ARRB1: variants seen among roughly 807,000 people sequenced by gnomAD.
The protein encoded by ARRB1 is beta-arrestin-1.
A neutral mutation model predicts 56.8 loss-of-function variants in ARRB1; 21 were observed. That is an observed-to-expected ratio of 0.37 (90% CI 0.26 to 0.53). ARRB1 has a LOEUF of 0.53. Ranked by LOEUF, ARRB1 falls within the 20% of genes least tolerant of loss-of-function variation. The pLI is 0.88. For synonymous variants in ARRB1, 210 were observed against 218.6 expected, an observed-to-expected ratio of 0.96 and a Z score of 0.35; for missense variants, 424 against 553.7, an observed-to-expected ratio of 0.77 and a Z score of 2.35.
chr11:75,282,137 C>T (rs946663060), intron 5 of ARRB1, 116 bp from the exon 6 acceptor site: 10 of 1,040,214 alleles, frequency 9.6e-6, no homozygotes, highest in Middle Eastern at 2.0e-4. Context: ...GGGGACAGGC[C>T]ATGTCTATCC....
At chr11:75,330,005 A>G (rs1354953953) in intron 1 of ARRB1, among the ~76,000 whole-genome samples, 1 of 152,112 alleles carries the variant, frequency 6.6e-6, no homozygotes, top group African/African-American at 2.4e-5. Flanking sequence ...TGTCTCTAAA[A>G]AAAAAAAAAG....
intron 14 of ARRB1, among the ~76,000 whole-genome samples, chr11:75,268,595 C>A (rs1359315697): frequency 6.6e-6 from 1 of 151,912 alleles, no homozygotes; most frequent in Admixed American, 6.6e-5. Context: ...GCAGCCCCTT[C>A]CCCTACTTCC....
At chr11:75,275,123 A>ATTTTATTTTATTTTAT (rs1946167812) in intron 10 of ARRB1, among the ~76,000 whole-genome samples, 1 of 137,958 alleles carries the variant, frequency 7.2e-6, no homozygotes, top group Non-Finnish European at 1.5e-5. Flanking sequence ...TTTAATTTAA[A>ATTTTATTTTATTTTAT]TTTATTTTAT....
At position 75,303,632 on chromosome 11, in the gene ARRB1, T is replaced by A. The variant is rs569083603; in HGVS notation, c.21-13593A>T. On this transcript the variant is annotated intron_variant, in intron 1 of 15. Coordinates refer to ENST00000420843, the MANE Select transcript of ARRB1 (RefSeq NM_004041.5). The stretch of plus-strand genomic sequence containing the variant: ...GGTACAGGCCCCGGTGTCGGTGTTG[T>A]TTCCCCAGAGCACCTACAGGGCAGC... The A allele has an allele frequency of 1.3e-5, 6 of 456,322 alleles. No homozygotes were observed. The East Asian group carries it at 4.2e-4, about 32-fold the overall frequency. The allele number at this position is 456,322 out of a possible 1,614,324, so 28.3% of individuals were successfully genotyped here.
At chr11:75,297,920 A>G (rs1169304976) in intron 1 of ARRB1, among the ~76,000 whole-genome samples, 2 of 135,800 alleles carry the variant, frequency 1.5e-5, no homozygotes, top group East Asian at 2.0e-4. Flanking sequence ...CTAAATGTAA[A>G]AGCTGCAGCT....
At chr11:75,325,181 A>C (rs1947411560) in intron 1 of ARRB1, among the ~76,000 whole-genome samples, 1 of 152,136 alleles carries the variant, frequency 6.6e-6, no homozygotes, top group Non-Finnish European at 1.5e-5. Flanking sequence ...CAGTGGAATC[A>C]GATTGTTTTT....
At chr11:75,283,887 G>A (rs1258532331) in intron 4 of ARRB1, among the ~76,000 whole-genome samples, 2 of 152,088 alleles carry the variant, frequency 1.3e-5, no homozygotes, top group African/African-American at 4.8e-5. Flanking sequence ...GACGGCAAGC[G>A]TCTTGTCACA....
At chr11:75,324,621 G>A (rs574771851) in intron 1 of ARRB1, among the ~76,000 whole-genome samples, 32 of 152,090 alleles carry the variant, frequency 2.1e-4, no homozygotes, top group Non-Finnish European at 3.4e-4. Context: ...GGGTGTGGGT[G>A]TGGAATAGGG....
chr11:75,306,710 C>T (rs2140474117), intron 1 of ARRB1: 7 of 1,242,400 alleles, frequency 5.6e-6, no homozygotes, highest in South Asian at 5.4e-5. Flanking sequence ...CAGCTCTCCC[C>T]AGCCCCAAGT....
chr11:75,305,127 T>C (rs1947000172), intron 1 of ARRB1, among the ~76,000 whole-genome samples: 1 of 148,916 alleles, frequency 6.7e-6, no homozygotes, highest in Non-Finnish European at 1.5e-5. Flanking sequence ...ACCTCCTGGG[T>C]TCATGCAATT....
At chr11:75,343,099 G>T (rs1039667235) in intron 1 of ARRB1, among the ~76,000 whole-genome samples, 2 of 152,200 alleles carry the variant, frequency 1.3e-5, no homozygotes, top group Admixed American at 6.5e-5. Context: ...GGTCTGCGCA[G>T]GTGCTGGGGA....
intron 1 of ARRB1, among the ~76,000 whole-genome samples, chr11:75,297,990 G>A (rs1009882674): frequency 4.1e-5 from 6 of 145,014 alleles, no homozygotes; most frequent in African/African-American, 1.5e-4. Context: ...TTAAGCAATG[G>A]TTTCTTAGAT....
chr11:75,286,255 C>CTTTTTTT (rs60988072), intron 3 of ARRB1, among the ~76,000 whole-genome samples: 4 of 38,736 alleles, frequency 1.0e-4, no homozygotes, highest in African/African-American at 4.3e-4. Flanking sequence ...ATTTGCTCAT[C>CTTTTTTT]TTTTTTTTTT....
intron 1 of ARRB1, among the ~76,000 whole-genome samples, chr11:75,343,923 C>T (rs1199493040): frequency 1.3e-5 from 2 of 152,024 alleles, no homozygotes; most frequent in Non-Finnish European, 2.9e-5. Flanking sequence ...TCATGCTATT[C>T]TCCTGCCTCA....
At chr11:75,273,339 G>A (rs1318062923) in intron 11 of ARRB1, among the ~76,000 whole-genome samples, 1 of 62,952 alleles carries the variant, frequency 1.6e-5, no homozygotes, top group Non-Finnish European at 3.1e-5. Context: ...GTTCACAGAG[G>A]GCGAGGCAGC....
intron 1 of ARRB1, among the ~76,000 whole-genome samples, chr11:75,319,895 G>A (rs1357341954): frequency 6.6e-6 from 1 of 152,202 alleles, no homozygotes; most frequent in African/African-American, 2.4e-5. Flanking sequence ...AGTGCTTCCA[G>A]GCCTGGAGTA....
intron 1 of ARRB1, among the ~76,000 whole-genome samples, chr11:75,316,959 G>A (rs1427438163): frequency 7.9e-5 from 12 of 152,026 alleles, no homozygotes; most frequent in African/African-American, 2.2e-4. Context: ...CCAGCTACTC[G>A]GGAGACTGAG....
chr11:75,298,360 G>A (rs922112890), intron 1 of ARRB1, among the ~76,000 whole-genome samples: 4 of 152,098 alleles, frequency 2.6e-5, no homozygotes, highest in African/African-American at 9.7e-5. Flanking sequence ...ACAAACAGGT[G>A]AATCACCCAT....
intron 11 of ARRB1, among the ~76,000 whole-genome samples, chr11:75,273,639 C>T (rs986447963): frequency 5.9e-5 from 9 of 152,188 alleles, no homozygotes; most frequent in East Asian, 1.9e-4. Context: ...GAGGCGTCCA[C>T]GATGACTGTG....
Sources: allele counts gnomAD v4.1 joint callset (sites outside exome capture counted in the v4.1 genomes callset), GRCh38; gene constraint gnomAD v4.1.1; transcripts MANE v1.5; gene names NCBI Gene and HGNC (gene_info 2026-07-23, HGNC 2026-07-21).